The following ZMAT4 variants were observed in gnomAD, a reference collection of about 807,000 sequenced individuals.
ZMAT4 encodes the protein zinc finger matrin-type protein 4.
In ZMAT4, 17 loss-of-function variants were observed where a neutral mutation model predicts 28.7. That is an observed-to-expected ratio of 0.59 (90% confidence interval 0.41 to 0.89). The LOEUF (loss-of-function observed/expected upper bound fraction) is 0.89. Among genes scored for constraint, ZMAT4 ranks in the 40% least tolerant of loss-of-function variants. ZMAT4 has a pLI of 0.00. For synonymous variants in ZMAT4, 117 were observed against 109.2 expected (o/e 1.07, Z -0.44); for missense variants, 240 against 283.8 (o/e 0.85, Z 1.11).
At chr8:40,837,038 A>T (rs552838947) in intron 1 of ZMAT4, among the ~76,000 whole-genome samples, 2 of 152,228 alleles carry the variant, frequency 1.3e-5, no homozygotes, top group African/African-American at 4.8e-5. Context: ...TAATGATGAG[A>T]GACGATTTTC....
At chr8:40,627,841 G>A (rs1409129247) in intron 5 of ZMAT4, among the ~76,000 whole-genome samples, 5 of 151,960 alleles carry the variant, frequency 3.3e-5, no homozygotes, top group South Asian at 2.1e-4. Flanking sequence ...CCTTTGAGGG[G>A]ATGGGGCGGG....
At chr8:40,862,659 A>T (rs562780264) in intron 1 of ZMAT4, among the ~76,000 whole-genome samples, 1 of 150,594 alleles carries the variant, frequency 6.6e-6, no homozygotes, top group Admixed American at 6.6e-5. Context: ...GGATGAGTTC[A>T]TGTCCTTTGT....
At chr8:40,623,904 C>T (rs1272779869) in intron 5 of ZMAT4, among the ~76,000 whole-genome samples, 1 of 152,056 alleles carries the variant, frequency 6.6e-6, no homozygotes, top group Non-Finnish European at 1.5e-5. Flanking sequence ...CCCTTTGTCC[C>T]TGGATCCTAC....
chr8:40,837,800 G>T (rs114448626), intron 1 of ZMAT4, among the ~76,000 whole-genome samples: 1 of 152,194 alleles, frequency 6.6e-6, no homozygotes, highest in Admixed American at 6.6e-5. Flanking sequence ...AGGACAAGGC[G>T]TGTGTCCTGG....
chr8:40,781,058 G>A lies in ZMAT4; in HGVS notation c.103-13328C>T, dbSNP rs186312849. Among the ~76,000 whole-genome samples the A allele has an allele frequency of 1.2e-4, 19 of 152,284 alleles. No individual in the cohort carries two copies. The East Asian group carries it at 3.5e-3, about 28-fold the overall frequency. ...CAATTAAGCAACAAATTGTGGGGGTGAGGGAGGTGAGGGAAGCATCTAAAC... is the reference window on the plus strand; with the variant it reads ...CAATTAAGCAACAAATTGTGGGGGTAAGGGAGGTGAGGGAAGCATCTAAAC... On this transcript the variant is annotated intron_variant, in intron 2 of 6. Coordinates refer to ENST00000297737, the MANE Select transcript of ZMAT4 (RefSeq NM_024645.3).
chr8:40,689,538 T>C (rs757785151), intron 4 of ZMAT4, among the ~76,000 whole-genome samples: 1 of 152,200 alleles, frequency 6.6e-6, no homozygotes, highest in Non-Finnish European at 1.5e-5. Context: ...AATGTATAGA[T>C]ATTTCAAAGA....
At position 40,767,873 on chromosome 8, in the gene ZMAT4, G is replaced by A. The variant is rs114996829; in HGVS notation, c.103-143C>T. On this transcript the variant is annotated intron_variant, in intron 2 of 6. Transcript: ENST00000297737. ...CATACTCCTGTGAGGGATGTAGGAT[G>A]TAGTTTCAGATAGGTTAAGTGGCTT... The A allele has an allele frequency of 2.4e-3, 1,539 of 635,282 alleles. 19 individuals carry two copies. The highest frequency in any genetic ancestry group is 0.023 in the African/African-American group (1,255 of 54,102). 39.4% of individuals were successfully genotyped at this position (635,282 alleles called of 1,614,324 possible). A position where few individuals can be genotyped will look rare whatever the true frequency, so the allele number is the denominator to read the frequency against.
chr8:40,787,654 G>A (rs1814142749), intron 2 of ZMAT4, among the ~76,000 whole-genome samples: 1 of 152,096 alleles, frequency 6.6e-6, no homozygotes, highest in Admixed American at 6.5e-5. Flanking sequence ...TCAAGTAAGG[G>A]TGACTTGGAC....
At chr8:40,602,894 T>C (rs1805447603) in intron 5 of ZMAT4, among the ~76,000 whole-genome samples, 1 of 152,246 alleles carries the variant, frequency 6.6e-6, no homozygotes, top group Admixed American at 6.5e-5. Flanking sequence ...TCTTTAGCTG[T>C]GCAGAAGTTT....
chr8:40,781,487 G>A (rs1197673024), intron 2 of ZMAT4, among the ~76,000 whole-genome samples: 2 of 152,100 alleles, frequency 1.3e-5, no homozygotes, highest in Non-Finnish European at 2.9e-5. Flanking sequence ...ATAAGGCCGG[G>A]CGCGGTGGCT....
intron 6 of ZMAT4, among the ~76,000 whole-genome samples, chr8:40,539,777 A>G (rs1802968315): frequency 6.6e-6 from 1 of 152,210 alleles, no homozygotes. Context: ...TCTTTTTTCC[A>G]AGTTCTTGAG....
At chr8:40,631,949 G>A (rs1806600321) in intron 5 of ZMAT4, among the ~76,000 whole-genome samples, 1 of 152,208 alleles carries the variant, frequency 6.6e-6, no homozygotes, top group African/African-American at 2.4e-5. Context: ...TTGCCCTGCA[G>A]ACATCTTGTG....
At chr8:40,800,048 A>G (rs1814771158) in intron 2 of ZMAT4, among the ~76,000 whole-genome samples, 1 of 152,262 alleles carries the variant, frequency 6.6e-6, no homozygotes, top group Admixed American at 6.5e-5. Flanking sequence ...GAGAACAGTA[A>G]CAAATATATT....
At chr8:40,626,788 C>T (rs113381828) in intron 5 of ZMAT4, among the ~76,000 whole-genome samples, 84 of 152,174 alleles carry the variant, frequency 5.5e-4, no homozygotes, top group African/African-American at 1.9e-3. Context: ...TGGACAGGCA[C>T]CAGTTATGAT....
chr8:40,854,382 A>G (rs1291869442), intron 1 of ZMAT4, among the ~76,000 whole-genome samples: 1 of 152,246 alleles, frequency 6.6e-6, no homozygotes, highest in Non-Finnish European at 1.5e-5. Flanking sequence ...CTCAAAGGAA[A>G]TGAAGACCAA....
chr8:40,605,874 T>C (rs1341995950), intron 5 of ZMAT4, among the ~76,000 whole-genome samples: 1 of 152,190 alleles, frequency 6.6e-6, no homozygotes, highest in Non-Finnish European at 1.5e-5. Flanking sequence ...AGCATACATA[T>C]TAAGGATTGT....
intron 3 of ZMAT4, among the ~76,000 whole-genome samples, chr8:40,704,922 T>C (rs976110980): frequency 4.6e-5 from 7 of 152,196 alleles, no homozygotes; most frequent in African/African-American, 1.2e-4. Context: ...ATGTGTCCTA[T>C]GGCTAGAAGG....
intron 1 of ZMAT4, among the ~76,000 whole-genome samples, chr8:40,894,508 G>A (rs1199836686): frequency 1.3e-5 from 2 of 152,082 alleles, no homozygotes; most frequent in Admixed American, 1.3e-4. Flanking sequence ...GGGAGGAAGG[G>A]GCACGAGCAT....
chr8:40,712,380 G>A (rs1810662751), intron 3 of ZMAT4, among the ~76,000 whole-genome samples: 1 of 152,210 alleles, frequency 6.6e-6, no homozygotes, highest in Non-Finnish European at 1.5e-5. Flanking sequence ...AGACATGGAG[G>A]ATATCTCCAC....
Sources: gnomAD v4.1 joint callset for allele counts (sites outside exome capture counted in the v4.1 genomes callset) on GRCh38, gnomAD v4.1.1 for gene constraint, MANE v1.5 for transcripts, NCBI Gene and HGNC (gene_info 2026-07-23, HGNC 2026-07-21) for gene names.